The following BMPR1B variants were observed in gnomAD, a reference collection of about 807,000 sequenced individuals.
BMPR1B encodes bone morphogenetic protein receptor type 1B.
BMPR1B carries 12 observed loss-of-function variants against 59.1 expected under a neutral mutation model. The observed-to-expected ratio is 0.20, with a 90% CI of 0.13 to 0.33. The LOEUF (loss-of-function observed/expected upper bound fraction) is 0.33, where lower values mean the gene tolerates loss of function less well. Ranked by LOEUF, BMPR1B falls within the 10% of genes least tolerant of loss-of-function variation. The pLI is 1.00. For synonymous variants in BMPR1B, 237 were observed against 207.3 expected (o/e 1.14, Z -1.23); for missense variants, 550 against 610.9 (o/e 0.90, Z 1.05).
intron 2 of BMPR1B, among the ~76,000 whole-genome samples, chr4:94,960,886 G>C (rs1013320605): frequency 6.6e-6 from 1 of 152,022 alleles, no homozygotes; most frequent in African/African-American, 2.4e-5. Flanking sequence ...AGATGAAGGG[G>C]CATGCCCTTT....
At chr4:94,818,979 TTTAAAAA>T (rs1724109603) in intron 1 of BMPR1B, among the ~76,000 whole-genome samples, 2 of 151,918 alleles carry the variant, frequency 1.3e-5, no homozygotes, top group African/African-American at 4.8e-5. Context: ...AAAAAAAATT[TTTAAAAA>T]TTAATTGGGT....
chr4:95,042,913 C>T (rs553844926), intron 3 of BMPR1B, among the ~76,000 whole-genome samples: 12 of 152,078 alleles, frequency 7.9e-5, no homozygotes, highest in South Asian at 2.1e-4. Context: ...CGGTGGCTCA[C>T]GCCTGTAATC....
intron 1 of BMPR1B, among the ~76,000 whole-genome samples, chr4:94,762,686 C>T (rs1198173808): frequency 6.6e-6 from 1 of 152,144 alleles, no homozygotes; most frequent in Admixed American, 6.5e-5. Flanking sequence ...TATGATTTAG[C>T]ATGTCTGTAT....
chr4:95,126,034 C>A (rs1396017947), intron 8 of BMPR1B, among the ~76,000 whole-genome samples: 3 of 152,196 alleles, frequency 2.0e-5, no homozygotes, highest in African/African-American at 7.2e-5. Flanking sequence ...ATCACTCCAA[C>A]TCATGGCTCA....
At position 95,124,841 on chromosome 4, in the gene BMPR1B, C is replaced by CA. The variant is rs543869831; in HGVS notation, c.447-142_447-141insA. The CA allele has an allele frequency of 2.2e-4, 166 of 771,604 alleles. No homozygotes were observed. The East Asian group carries it at 4.3e-3, about 20-fold the overall frequency. 47.8% of individuals were successfully genotyped at this position (771,604 alleles called of 1,614,324 possible). A position where few individuals can be genotyped will look rare whatever the true frequency, so the allele number is the denominator to read the frequency against. On this transcript the variant is annotated intron_variant, in intron 7 of 12. Transcript: ENST00000515059. ...ATGAGTTTTACTTGGGAAACCATAA[C>CA]TAAGAGTAAAAAATATGAAGCATTT...
In BMPR1B at chr4:95,128,360, G is replaced by A. The variant is rs533743872; in HGVS notation, c.586-1502G>A. Among the ~76,000 whole-genome samples, 12 of 152,268 alleles carry A rather than the reference G, an allele frequency of 7.9e-5. No homozygotes were observed. In the South Asian group the frequency reaches 1.7e-3, roughly 21 times the overall value. On this transcript the variant is annotated intron_variant, in intron 8 of 12. Transcript: ENST00000515059. Reference sequence around the variant, plus strand: ...TAAAGTATATCTCTACAAAGAATACGTTCCAGTTTGCTGATCAGGTGTTAT... The same window carrying A: ...TAAAGTATATCTCTACAAAGAATACATTCCAGTTTGCTGATCAGGTGTTAT...
chr4:94,770,176 TTC>T (rs1722118972), intron 1 of BMPR1B, among the ~76,000 whole-genome samples: 1 of 79,932 alleles, frequency 1.3e-5, no homozygotes, highest in African/African-American at 4.9e-5. Flanking sequence ...TGTCCTTCGT[TTC>T]TGTGTTTGTT....
intron 10 of BMPR1B, among the ~76,000 whole-genome samples, chr4:95,146,642 C>T (rs763397304): frequency 4.5e-4 from 68 of 152,258 alleles, no homozygotes; most frequent in Middle Eastern, 3.4e-3. Flanking sequence ...ATCTTCTTTT[C>T]ATCTGCAAAC....
intron 3 of BMPR1B, among the ~76,000 whole-genome samples, chr4:95,059,522 C>T (rs1317689941): frequency 6.6e-6 from 1 of 151,738 alleles, no homozygotes; most frequent in East Asian, 1.9e-4. Context: ...TCTGGGGGAT[C>T]GTTTTTGGGC....
intron 1 of BMPR1B, among the ~76,000 whole-genome samples, chr4:94,860,845 C>CT (rs1725950541): frequency 6.6e-6 from 1 of 150,462 alleles, no homozygotes; most frequent in Admixed American, 6.6e-5. Context: ...TTTTATATGT[C>CT]TTTCTCTTTC....
intron 2 of BMPR1B, among the ~76,000 whole-genome samples, chr4:94,968,142 T>C (rs1026967483): frequency 1.3e-4 from 20 of 152,164 alleles, no homozygotes; most frequent in African/African-American, 4.6e-4. Context: ...TCTCCAGACA[T>C]CATTACTTAA....
chr4:94,996,623 C>T (rs1322599141), intron 3 of BMPR1B, among the ~76,000 whole-genome samples: 8 of 152,266 alleles, frequency 5.3e-5, no homozygotes, highest in Non-Finnish European at 1.0e-4. Context: ...AGCCAACCTC[C>T]ATTTGCCAGT....
chr4:94,763,463 C>T (rs1020596691), intron 1 of BMPR1B, among the ~76,000 whole-genome samples: 1 of 152,110 alleles, frequency 6.6e-6, no homozygotes, highest in Non-Finnish European at 1.5e-5. Flanking sequence ...TTTTTCCTGT[C>T]TTTCAACAAG....
chr4:95,068,514 C>T (rs560588990), intron 3 of BMPR1B, among the ~76,000 whole-genome samples: 3 of 152,258 alleles, frequency 2.0e-5, no homozygotes. Context: ...GTCATGGACC[C>T]TCTTTGATGC....
At chr4:95,023,680 T>C (rs1324391422) in intron 3 of BMPR1B, among the ~76,000 whole-genome samples, 1 of 152,162 alleles carries the variant, frequency 6.6e-6, no homozygotes, top group Non-Finnish European at 1.5e-5. Context: ...AGCCACCGCA[T>C]GCAGCCTCAC....
chr4:94,974,471 T>G (rs1282079139), intron 2 of BMPR1B, among the ~76,000 whole-genome samples: 1 of 152,118 alleles, frequency 6.6e-6, no homozygotes, highest in Non-Finnish European at 1.5e-5. Context: ...CCTTCCCAAC[T>G]CTGTCCTGAA....
At chr4:95,017,919 A>G (rs1290288259) in intron 3 of BMPR1B, among the ~76,000 whole-genome samples, 4 of 152,202 alleles carry the variant, frequency 2.6e-5, no homozygotes, top group Non-Finnish European at 4.4e-5. Flanking sequence ...AAAAGAAAAT[A>G]CTGTTGTGAA....
chr4:94,857,954 T>A (rs1366701548), intron 1 of BMPR1B, among the ~76,000 whole-genome samples: 1 of 152,250 alleles, frequency 6.6e-6, no homozygotes, highest in Non-Finnish European at 1.5e-5. Flanking sequence ...TTTTATTTTT[T>A]TATTTTTTTG....
At chr4:94,818,176 A>G (rs951978617) in intron 1 of BMPR1B, among the ~76,000 whole-genome samples, 1 of 151,998 alleles carries the variant, frequency 6.6e-6, no homozygotes, top group Non-Finnish European at 1.5e-5. Flanking sequence ...ATTTTATACA[A>G]GCCTCTGTGG....
Sources: allele counts gnomAD v4.1 joint callset (sites outside exome capture counted in the v4.1 genomes callset), GRCh38; gene constraint gnomAD v4.1.1; transcripts MANE v1.5; gene names NCBI Gene and HGNC (gene_info 2026-07-23, HGNC 2026-07-21).